CDH20: variants seen among roughly 807,000 people sequenced by gnomAD.
The protein encoded by CDH20 is cadherin-20.
A neutral mutation model predicts 74.2 loss-of-function variants in CDH20; 29 were observed. That is an observed-to-expected ratio of 0.39 (90% CI 0.29 to 0.53). The LOEUF (loss-of-function observed/expected upper bound fraction) is 0.53, where lower values mean the gene tolerates loss of function less well. CDH20 is among the 20% of genes least tolerant of loss of function. The pLI is 0.69. For missense variants in CDH20, 988 were observed against 1,048.3 expected (o/e 0.94, Z 0.79); for synonymous variants, 469 against 405.4 (o/e 1.16, Z -1.88).
At chr18:61,475,654 T>C (rs1018638947) in intron 1 of CDH20, among the ~76,000 whole-genome samples, 4 of 152,200 alleles carry the variant, frequency 2.6e-5, no homozygotes, top group African/African-American at 7.2e-5. Flanking sequence ...TATGAATAGA[T>C]ATCATTGATA....
chr18:61,500,066 T>G (rs551289609), intron 3 of CDH20, among the ~76,000 whole-genome samples: 1 of 119,348 alleles, frequency 8.4e-6, no homozygotes, highest in South Asian at 2.9e-4. Context: ...ATCACGCCAC[T>G]GCACTCCAGC....
intron 1 of CDH20, among the ~76,000 whole-genome samples, chr18:61,423,291 G>A (rs972644466): frequency 6.6e-6 from 1 of 152,144 alleles, no homozygotes; most frequent in Non-Finnish European, 1.5e-5. Context: ...TTTCAGCTAG[G>A]GCAGCCCCCA....
intron 6 of CDH20, among the ~76,000 whole-genome samples, chr18:61,510,993 T>TG (rs1555681954): frequency 6.7e-6 from 1 of 148,502 alleles, no homozygotes; most frequent in Non-Finnish European, 1.5e-5. Context: ...TTTTTTTTTT[T>TG]GTTTATTTGT....
At chr18:61,487,871 TC>T (rs1446742033) in intron 1 of CDH20, among the ~76,000 whole-genome samples, 1 of 152,020 alleles carries the variant, frequency 6.6e-6, no homozygotes, top group Non-Finnish European at 1.5e-5. Flanking sequence ...TACTTACAAT[TC>T]CTCAAATCTC....
chr18:61,417,653 G>A (rs187649149), intron 1 of CDH20, among the ~76,000 whole-genome samples: 39 of 147,970 alleles, frequency 2.6e-4, no homozygotes, highest in Admixed American at 1.6e-3. Context: ...CAGAGGCTGG[G>A]AAGGGTAGTG....
chr18:61,446,100 A>G (rs1909193944), intron 1 of CDH20, among the ~76,000 whole-genome samples: 1 of 152,180 alleles, frequency 6.6e-6, no homozygotes, highest in African/African-American at 2.4e-5. Context: ...ACACAGCATC[A>G]TATGCATTGC....
At chr18:61,450,191 C>G (rs146244784) in intron 1 of CDH20, among the ~76,000 whole-genome samples, 1 of 151,902 alleles carries the variant, frequency 6.6e-6, no homozygotes, top group Non-Finnish European at 1.5e-5. Context: ...TTACCATTAT[C>G]CCCATCTCCC....
chr18:61,519,073 A>G (rs1912101550), intron 6 of CDH20, among the ~76,000 whole-genome samples: 1 of 151,358 alleles, frequency 6.6e-6, no homozygotes, highest in East Asian at 1.9e-4. Flanking sequence ...ATTAGAGAAA[A>G]AAAGAATGAA....
At chr18:61,508,149 A>C (rs1911644688) in intron 6 of CDH20, among the ~76,000 whole-genome samples, 1 of 152,226 alleles carries the variant, frequency 6.6e-6, no homozygotes. Context: ...GGATATACTG[A>C]GCTAGAAGAT....
chr18:61,433,385 G>A (rs1483239599), intron 1 of CDH20, among the ~76,000 whole-genome samples: 1 of 151,994 alleles, frequency 6.6e-6, no homozygotes, highest in Non-Finnish European at 1.5e-5. Context: ...TCTTTGTATT[G>A]CCTTTTTTAT....
At chr18:61,436,378 GCATGAGGGTTCCAACTTCTCCA>G (rs1908836727) in intron 1 of CDH20, among the ~76,000 whole-genome samples, 1 of 152,162 alleles carries the variant, frequency 6.6e-6, no homozygotes. Flanking sequence ...CATCAGCAGT[GCATGAGGGTTCCAACTTCTCCA>G]CATCCTCACC....
chr18:61,527,517 G>A (rs948404847), intron 6 of CDH20, among the ~76,000 whole-genome samples: 2 of 152,104 alleles, frequency 1.3e-5, no homozygotes, highest in African/African-American at 4.8e-5. Flanking sequence ...TAAAGATAAT[G>A]TGACCAACCG....
At chr18:61,354,832 T>C (rs1399362251) in intron 1 of CDH20, among the ~76,000 whole-genome samples, 2 of 152,210 alleles carry the variant, frequency 1.3e-5, no homozygotes, top group African/African-American at 2.4e-5. Flanking sequence ...TATTCTAGGT[T>C]TGAGCTACCT....
chr18:61,367,857 C>A (rs189670164), intron 1 of CDH20, among the ~76,000 whole-genome samples: 36 of 152,176 alleles, frequency 2.4e-4, no homozygotes, highest in South Asian at 4.2e-4. Context: ...TGTTCCAGGT[C>A]TCTCTCTTTG....
At chr18:61,493,815 G>A (rs150762313) in intron 2 of CDH20, among the ~76,000 whole-genome samples, 343 of 152,300 alleles carry the variant, frequency 2.3e-3, no homozygotes, top group Non-Finnish European at 4.0e-3. Context: ...AAAAGAGTAT[G>A]TTTGTATTCA....
chr18:61,404,909 T>C (rs1912279179), intron 1 of CDH20: 3 of 685,678 alleles, frequency 4.4e-6, no homozygotes, highest in Non-Finnish European at 5.4e-6. Context: ...CAGAATCACC[T>C]GGATCAATGA....
chr18:61,520,674 C>T (rs1276776156), intron 6 of CDH20, among the ~76,000 whole-genome samples: 1 of 150,988 alleles, frequency 6.6e-6, no homozygotes, highest in African/African-American at 2.5e-5. Context: ...TAAAATTGAC[C>T]ACATAATTGG....
At chr18:61,543,801 C>T (rs1913127247) in intron 9 of CDH20, among the ~76,000 whole-genome samples, 1 of 152,186 alleles carries the variant, frequency 6.6e-6, no homozygotes, top group Non-Finnish European at 1.5e-5. Flanking sequence ...ACTCACTTCT[C>T]TTCAGGTCAT....
At chr18:61,464,454 T>C (rs1404075651) in intron 1 of CDH20, among the ~76,000 whole-genome samples, 1 of 152,122 alleles carries the variant, frequency 6.6e-6, no homozygotes. Context: ...TTTGTCTCCA[T>C]TAAAAAAATT....
Sources: gnomAD v4.1 joint callset for allele counts (sites outside exome capture counted in the v4.1 genomes callset) on GRCh38, gnomAD v4.1.1 for gene constraint, MANE v1.5 for transcripts, NCBI Gene and HGNC (gene_info 2026-07-23, HGNC 2026-07-21) for gene names.